The following TMEM150B variants were observed in gnomAD, a reference collection of about 807,000 sequenced individuals.
TMEM150B encodes transmembrane protein 150B.
In TMEM150B, 33 loss-of-function variants were observed where a neutral mutation model predicts 25.2. That is an observed-to-expected ratio of 1.31 (90% CI 0.99 to 1.75). TMEM150B has a LOEUF of 1.75. TMEM150B is among the 40% of genes most tolerant of loss of function. The pLI, the probability that TMEM150B is intolerant of heterozygous loss-of-function variation, is 0.00. For missense variants in TMEM150B, 322 were observed against 306.1 expected, an observed-to-expected ratio of 1.05 and a Z score of -0.39; for synonymous variants, 133 against 134.8, an observed-to-expected ratio of 0.99 and a Z score of 0.09.
intron 1 of TMEM150B, among the ~76,000 whole-genome samples, chr19:55,322,954 G>A (rs115787241): frequency 6.6e-6 from 1 of 151,886 alleles, no homozygotes; most frequent in Non-Finnish European, 1.5e-5. Flanking sequence ...GACTCAGATC[G>A]GAGCCTCCAC....
intron 7 of TMEM150B, 49 bp from the exon 8 acceptor site, chr19:55,313,104 C>A (rs753236789): frequency 7.8e-6 from 12 of 1,537,952 alleles, no homozygotes; most frequent in Non-Finnish European, 1.1e-5. Flanking sequence ...ACGCGGAGCC[C>A]GGCCTGGTCT....
chr19:55,317,045 C>A (rs1253739892), intron 6 of TMEM150B, 79 bp from the exon 7 acceptor site: 3 of 1,370,432 alleles, frequency 2.2e-6, no homozygotes, highest in African/African-American at 3.0e-5. Flanking sequence ...GGGCCCTTCA[C>A]CAATGCAGTA....
At chr19:55,323,169 C>T (rs560331754) in intron 1 of TMEM150B, among the ~76,000 whole-genome samples, 135 of 152,292 alleles carry the variant, frequency 8.9e-4, no homozygotes, top group African/African-American at 2.1e-3. Context: ...CGGCGGCTCA[C>T]GCCTGTAATC....
intron 5 of TMEM150B, 36 bp from the exon 6 acceptor site, chr19:55,320,202 C>A: frequency 6.2e-7 from 1 of 1,605,960 alleles, no homozygotes. Flanking sequence ...GGGAGGGAGA[C>A]CCACCAAGAA....
intron 6 of TMEM150B, 61 bp from the exon 7 acceptor site, chr19:55,317,027 AG>A: frequency 6.6e-7 from 1 of 1,504,956 alleles, no homozygotes; most frequent in Non-Finnish European, 8.9e-7. Context: ...GGGGCACCAG[AG>A]GGGCCAGGGC....
At chr19:55,318,760 A>C (rs906400582) in intron 6 of TMEM150B, among the ~76,000 whole-genome samples, 1 of 152,218 alleles carries the variant, frequency 6.6e-6, no homozygotes, top group Admixed American at 6.5e-5. Flanking sequence ...AATGGCTGCC[A>C]AATGCTCAAT....
intron 7 of TMEM150B, among the ~76,000 whole-genome samples, chr19:55,314,558 C>T (rs1156659230): frequency 6.6e-6 from 1 of 152,170 alleles, no homozygotes; most frequent in Admixed American, 6.6e-5. Context: ...AGACGTCCAT[C>T]CCTTACGACA....
Position 55,312,808 on chromosome 19 carries a change from C to G in TMEM150B, c.*51G>C. On this transcript the variant is annotated 3_prime_UTR_variant, in exon 8 of 8. Coordinates refer to ENST00000326652, the MANE Select transcript of TMEM150B (RefSeq NM_001282011.2). ...CTGGGTGCGGGGCACTGGGATTGGC[C>G]CCATCTTTCCTGCTTCACTGGTGAG... is the stretch of plus-strand genomic sequence containing the variant. 6.6e-7 allele frequency: 1 copy of G among 1,512,636 alleles called. No homozygotes were observed. The highest frequency in any genetic ancestry group is 8.9e-7 in the Non-Finnish European group (1 of 1,123,082). 93.7% of individuals were successfully genotyped at this position (1,512,636 alleles called of 1,614,324 possible). A position where few individuals can be genotyped will look rare whatever the true frequency, so the allele number is the denominator to read the frequency against.
At chr19:55,323,395 G>A (rs2089254815) in intron 1 of TMEM150B, among the ~76,000 whole-genome samples, 2 of 151,654 alleles carry the variant, frequency 1.3e-5, no homozygotes, top group African/African-American at 4.8e-5. Context: ...TCATGCCATT[G>A]GACTCCAGCC....
chr19:55,318,572 G>A (rs1600223788), intron 6 of TMEM150B, among the ~76,000 whole-genome samples: 1 of 151,988 alleles, frequency 6.6e-6, no homozygotes, highest in South Asian at 2.1e-4. Context: ...GCAGGCGGAG[G>A]TTGCGGTGAG....
chr19:55,319,344 C>T (rs967395596), intron 6 of TMEM150B: 2 of 151,460 alleles, frequency 1.3e-5, no homozygotes, highest in Admixed American at 6.6e-5. Context: ...AACTCCTGAC[C>T]TCAGGTGATC....
At chr19:55,319,845 C>T (rs2089142503) in intron 6 of TMEM150B, 194 bp downstream of exon 6, 1 of 1,419,534 alleles carries the variant, frequency 7.0e-7, no homozygotes, top group Non-Finnish European at 9.2e-7. Flanking sequence ...CAAACAGCCT[C>T]GCTCGTAGTG....
chr19:55,317,029 G>T (rs2089028183), intron 6 of TMEM150B, 63 bp from the exon 7 acceptor site: 1 of 1,483,888 alleles, frequency 6.7e-7, no homozygotes, highest in South Asian at 1.3e-5. Context: ...GGCACCAGAG[G>T]GGCCAGGGCC....
At chr19:55,315,760 CAAAA>C (rs1224362945) in intron 7 of TMEM150B, among the ~76,000 whole-genome samples, 1 of 81,884 alleles carries the variant, frequency 1.2e-5, no homozygotes. Flanking sequence ...GACTCCGTCT[CAAAA>C]AAAAAAAAAA....
At position 55,320,546 on chromosome 19, in the gene TMEM150B, G is replaced by T. The variant is rs201758620; in HGVS notation, c.128+12C>A. The T allele has an allele frequency of 6.2e-7, 1 of 1,613,780 alleles. No homozygotes were observed. Among genetic ancestry groups the T allele is most frequent in the East Asian group, 2.2e-5 (1 of 44,896 alleles). On this transcript the variant is annotated intron_variant, in intron 4 of 7. Transcript: ENST00000326652. ...GCGATCCCCCCAAATCCCTACCCTC[G>T]GGCAGAATTACCTGATGTAGGGAAA...
At chr19:55,313,937 C>T (rs1181028495) in intron 7 of TMEM150B, among the ~76,000 whole-genome samples, 2 of 152,180 alleles carry the variant, frequency 1.3e-5, no homozygotes, top group Non-Finnish European at 2.9e-5. Context: ...TGGTGGCTCA[C>T]GCCTACAATC....
intron 7 of TMEM150B, among the ~76,000 whole-genome samples, chr19:55,314,328 T>C (rs1439063990): frequency 1.3e-5 from 2 of 152,058 alleles, no homozygotes; most frequent in African/African-American, 4.8e-5. Context: ...GACCGTAAAC[T>C]TCCTATGGCT....
chr19:55,319,115 T>G (rs771826745), intron 6 of TMEM150B, among the ~76,000 whole-genome samples: 5 of 151,498 alleles, frequency 3.3e-5, no homozygotes, highest in Non-Finnish European at 5.9e-5. Context: ...CTTTTTTCTT[T>G]TCTTTTCTTT....
intron 5 of TMEM150B, 92 bp downstream of exon 5, chr19:55,320,299 G>C: frequency 6.7e-7 from 1 of 1,501,864 alleles, no homozygotes; most frequent in Non-Finnish European, 9.0e-7. Context: ...AGGGGCCTGG[G>C]GCATGGACTC....
Sources: allele counts gnomAD v4.1 joint callset (sites outside exome capture counted in the v4.1 genomes callset), GRCh38; gene constraint gnomAD v4.1.1; transcripts MANE v1.5; gene names NCBI Gene and HGNC (gene_info 2026-07-23, HGNC 2026-07-21).